Variants in TSC2 observed in about 807,000 individuals in gnomAD.
TSC2 encodes TSC complex subunit 2, also known as tuberin.
A neutral mutation model predicts 202.2 loss-of-function variants in TSC2; 29 were observed. That is an observed-to-expected ratio of 0.14 (90% confidence interval 0.11 to 0.20). The LOEUF (loss-of-function observed/expected upper bound fraction) is 0.20. Among genes scored for constraint, TSC2 ranks in the 10% least tolerant of loss-of-function variants. The pLI is 1.00. For missense variants in TSC2, 2,429 were observed against 2,420.0 expected (o/e 1.00, Z -0.08); for synonymous variants, 1,349 against 1,044.0 (o/e 1.29, Z -5.63).
chr16:2,076,048 C>A lies in TSC2; in HGVS notation c.2640-20C>A, dbSNP rs2151385415. 6.2e-7 allele frequency: 1 copy of A among 1,613,860 alleles called. No homozygotes were observed. The highest frequency in any genetic ancestry group is 8.5e-7 in the Non-Finnish European group (1 of 1,180,014). On this transcript the variant is annotated intron_variant, in intron 23 of 41. Coordinates refer to ENST00000219476, the MANE Select transcript of TSC2 (RefSeq NM_000548.5). The stretch of plus-strand genomic sequence containing the variant: ...TTTCCCTGCTGCCAGGATGGAGTGC[C>A]AGCCCCCTTCTCATCTCAGGTTTAA...
At chr16:2,086,406 G>A (rs1415599616) in intron 37 of TSC2, 27 bp downstream of exon 37, 4 of 1,606,566 alleles carry the variant, frequency 2.5e-6, no homozygotes, top group Non-Finnish European at 3.4e-6. Context: ...ACCCGCTCCT[G>A]CTGCCCCAGG....
In TSC2 at chr16:2,087,855, C is replaced by T. The variant is rs766834252; in HGVS notation, c.4990-8C>T. On this transcript the variant is annotated splice_polypyrimidine_tract_variant and splice_region_variant and intron_variant, in intron 38 of 41. Transcript: ENST00000219476. ...GTGCGGGGATGACCCTTTCTCTTGT[C>T]CGGGCAGGGCCAGTTCAACTTTGTC... The T allele has an allele frequency of 1.2e-5, 19 of 1,612,434 alleles. No homozygotes were observed. Among genetic ancestry groups the T allele is most frequent in the Non-Finnish European group, 1.5e-5 (18 of 1,179,882 alleles).
At chr16:2,074,551 C>T in intron 22 of TSC2, 162 bp downstream of exon 22, 1 of 865,326 alleles carries the variant, frequency 1.2e-6, no homozygotes, top group Non-Finnish European at 1.8e-6. Context: ...CATGAGTGCT[C>T]TCCTTCCTGG....
intron 4 of TSC2, 132 bp downstream of exon 4, chr16:2,053,584 G>T: frequency 1.1e-6 from 1 of 923,918 alleles, no homozygotes; most frequent in Non-Finnish European, 1.7e-6. Flanking sequence ...ATGGGCTCTG[G>T]AGCTGGATGG....
chr16:2,058,504 G>T (rs1257272709), intron 9 of TSC2, among the ~76,000 whole-genome samples: 2 of 152,232 alleles, frequency 1.3e-5, no homozygotes, highest in African/African-American at 4.8e-5. Flanking sequence ...CCTGCTTCCT[G>T]TCCCTGGCAT....
chr16:2,065,414 A>AG, intron 15 of TSC2, 105 bp from the exon 16 acceptor site: 1 of 152,214 alleles, frequency 6.6e-6, no homozygotes, highest in Non-Finnish European at 1.1e-5. Flanking sequence ...CTCGATCTCA[A>AG]AAAAAAAAAA....
chr16:2,071,104 G>T (rs2088286229), intron 17 of TSC2, among the ~76,000 whole-genome samples: 1 of 152,238 alleles, frequency 6.6e-6, no homozygotes. Flanking sequence ...CCTAGAGCAG[G>T]TGCTCTCTGG....
At chr16:2,059,230 C>T (rs2086303902) in intron 10 of TSC2, among the ~76,000 whole-genome samples, 1 of 151,058 alleles carries the variant, frequency 6.6e-6, no homozygotes. Flanking sequence ...GTTGGCCAGG[C>T]TGGTCTCGAA....
Position 2,089,357 on chromosome 16 carries a change from G to A in TSC2, c.*747G>A, listed in dbSNP as rs187331220. ...GAGGTAATAACTTAGGGGCAGGGTG[G>A]CGGCGGTGCAGGCTAACCCTCCCTG... On this transcript the variant is annotated 3_prime_UTR_variant, in exon 42 of 42. Coordinates refer to ENST00000219476, the MANE Select transcript of TSC2 (RefSeq NM_000548.5). 166 of 354,590 alleles carry A rather than the reference G, an allele frequency of 4.7e-4. No homozygotes were observed. Among genetic ancestry groups the A allele is most frequent in the African/African-American group, 3.2e-3 (157 of 48,434 alleles). The allele number at this position is 354,590 out of a possible 1,614,324, so 22.0% of individuals were successfully genotyped here. A position where few individuals can be genotyped will look rare whatever the true frequency, so the allele number is the denominator to read the frequency against.
rs1217359412 is a variant in TSC2, at chr16:2,084,624, C to T, written c.4402C>T (p.Pro1468Ser). Residue 1468 changes from proline to serine, a missense_variant, in exon 34 of 42, where the codon CCA becomes TCA. Coordinates refer to ENST00000219476, the MANE Select transcript of TSC2 (RefSeq NM_000548.5). ...PRGYTISDSAPSRRGKRVERD... is the reference protein window; with the variant it reads ...PRGYTISDSASSRRGKRVERD... ...AGGTTACACCATCTCCGACTCGGCC[C>T]CATCACGCAGGGGCAAGAGAGTAGA... is the stretch of plus-strand genomic sequence containing the variant. 6.2e-7 allele frequency: 1 copy of T among 1,601,008 alleles called. No homozygotes were observed. The highest frequency in any genetic ancestry group is 1.3e-5 in the African/African-American group (1 of 74,940).
intron 4 of TSC2, 37 bp downstream of exon 4, chr16:2,053,489 G>A: frequency 6.5e-7 from 1 of 1,533,802 alleles, no homozygotes; most frequent in Non-Finnish European, 8.8e-7. Context: ...GGTGACGTCA[G>A]GCTGCCCACT....
intron 2 of TSC2, among the ~76,000 whole-genome samples, chr16:2,049,100 T>C (rs920281585): frequency 6.6e-6 from 1 of 152,076 alleles, no homozygotes; most frequent in Admixed American, 6.5e-5. Flanking sequence ...TTTATTTTTT[T>C]TTTGAGACTG....
chr16:2,061,771 C>T (rs1189631378), intron 11 of TSC2, 100 bp from the exon 12 acceptor site: 1 of 1,597,920 alleles, frequency 6.3e-7, no homozygotes, highest in Non-Finnish European at 8.6e-7. Context: ...CCTGAGAGGG[C>T]TGAGGGTGTC....
intron 26 of TSC2, chr16:2,078,234 C>G (rs1001637163): frequency 5.4e-6 from 1 of 184,268 alleles, no homozygotes; most frequent in African/African-American, 2.4e-5. Flanking sequence ...AGGCCATGGT[C>G]TTAGTTCTCC....
At chr16:2,050,077 T>G (rs1432008357) in intron 2 of TSC2, among the ~76,000 whole-genome samples, 1 of 150,594 alleles carries the variant, frequency 6.6e-6, no homozygotes, top group Non-Finnish European at 1.5e-5. Context: ...TGCCTCACTC[T>G]CCCGAGTAGC....
At position 2,056,182 on chromosome 16, in the gene TSC2, G is replaced by A. The variant is rs1229656999; in HGVS notation, c.600-14G>A. The A allele has an allele frequency of 9.3e-6, 15 of 1,613,638 alleles. No individual in the cohort carries two copies. Among genetic ancestry groups the A allele is most frequent in the East Asian group, 2.2e-5 (1 of 44,896 alleles). On this transcript the variant is annotated splice_polypyrimidine_tract_variant and intron_variant, in intron 6 of 41. Transcript: ENST00000219476. ...AGGCAGTGCTGCCGGGACTGAGCTCGGTGCTCCCTGCAGGATGATCTGTCT... is the reference window on the plus strand; with the variant it reads ...AGGCAGTGCTGCCGGGACTGAGCTCAGTGCTCCCTGCAGGATGATCTGTCT...
intron 2 of TSC2, among the ~76,000 whole-genome samples, chr16:2,049,943 CT>C (rs2084894130): frequency 6.6e-6 from 1 of 151,878 alleles, no homozygotes; most frequent in African/African-American, 2.4e-5. Context: ...AGTAAAGCCC[CT>C]CAGTAAATCT....
chr16:2,065,442 T>C (rs2087206932), intron 15 of TSC2, 77 bp from the exon 16 acceptor site: 2 of 1,010,538 alleles, frequency 2.0e-6, no homozygotes, highest in South Asian at 1.3e-5. Flanking sequence ...AAAAAGGTGT[T>C]TGTGGTAGAA....
chr16:2,050,952 C>G (rs376494179), intron 3 of TSC2, among the ~76,000 whole-genome samples: 1 of 152,188 alleles, frequency 6.6e-6, no homozygotes, highest in South Asian at 2.1e-4. Flanking sequence ...GGAAATGCCC[C>G]GAATACAACC....
Sources: gnomAD v4.1 joint callset for allele counts (sites outside exome capture counted in the v4.1 genomes callset) on GRCh38, gnomAD v4.1.1 for gene constraint, MANE v1.5 for transcripts, NCBI Gene and HGNC (gene_info 2026-07-23, HGNC 2026-07-21) for gene names.